NTM: variants seen among roughly 807,000 people sequenced by gnomAD.
NTM encodes neurotrimin.
A neutral mutation model predicts 42.1 loss-of-function variants in NTM; 13 were observed. That is an observed-to-expected ratio of 0.31 (90% confidence interval 0.20 to 0.49). The LOEUF is 0.49. NTM is among the 20% of genes least tolerant of loss of function. NTM has a pLI of 0.99. For missense variants in NTM, 373 were observed against 452.8 expected, an observed-to-expected ratio of 0.82 and a Z score of 1.60; for synonymous variants, 187 against 179.2, an observed-to-expected ratio of 1.04 and a Z score of -0.35.
At chr11:131,889,746 G>A (rs2050974717) in intron 1 of NTM, among the ~76,000 whole-genome samples, 1 of 152,130 alleles carries the variant, frequency 6.6e-6, no homozygotes, top group Non-Finnish European at 1.5e-5. Flanking sequence ...AGGCACATCT[G>A]AGGTTTTCAT....
At chr11:132,019,123 AC>A (rs753858700) in intron 2 of NTM, among the ~76,000 whole-genome samples, 85 of 151,548 alleles carry the variant, frequency 5.6e-4, no homozygotes, top group Non-Finnish European at 1.0e-3. Flanking sequence ...CAAGGAGCTT[AC>A]TTCTTGTTTT....
At chr11:131,935,551 G>A (rs56969154) in intron 2 of NTM, among the ~76,000 whole-genome samples, 12,368 of 151,952 alleles carry the variant, frequency 0.081, 601 homozygotes, top group South Asian at 0.21. Flanking sequence ...GCACGCATGT[G>A]TGCTGACCAC....
At chr11:132,124,996 C>T (rs1400432545) in intron 2 of NTM, among the ~76,000 whole-genome samples, 1 of 152,138 alleles carries the variant, frequency 6.6e-6, no homozygotes, top group Non-Finnish European at 1.5e-5. Flanking sequence ...ACATCCATCT[C>T]CAAATGAATA....
At chr11:131,744,842 A>T (rs2081607978) in intron 1 of NTM, among the ~76,000 whole-genome samples, 1 of 152,166 alleles carries the variant, frequency 6.6e-6, no homozygotes, top group South Asian at 2.1e-4. Context: ...CTCTGACATA[A>T]TCCCACCACA....
chr11:132,325,525 T>C (rs10791222), intron 7 of NTM, among the ~76,000 whole-genome samples: 65,580 of 151,546 alleles, frequency 0.43, 15,010 homozygotes, highest in Non-Finnish European at 0.52. Flanking sequence ...CAACAGGTGC[T>C]GGAGAGGATG....
At chr11:132,246,571 A>G (rs2091198604) in intron 4 of NTM, among the ~76,000 whole-genome samples, 1 of 152,122 alleles carries the variant, frequency 6.6e-6, no homozygotes, top group African/African-American at 2.4e-5. Flanking sequence ...CTGGTTTCCA[A>G]TTGTTTTGCT....
chr11:132,047,436 T>G (rs1168392704), intron 2 of NTM, among the ~76,000 whole-genome samples: 2 of 152,272 alleles, frequency 1.3e-5, no homozygotes, highest in Non-Finnish European at 2.9e-5. Flanking sequence ...GTATCTCTCT[T>G]GAATACATTG....
intron 1 of NTM, among the ~76,000 whole-genome samples, chr11:131,491,412 T>C (rs1954775627): frequency 6.7e-6 from 1 of 149,852 alleles, no homozygotes; most frequent in Non-Finnish European, 1.5e-5. Context: ...TGTTTGTGGG[T>C]ATATTTTAGC....
chr11:132,301,219 C>T (rs2094840070), intron 4 of NTM, among the ~76,000 whole-genome samples: 1 of 152,152 alleles, frequency 6.6e-6, no homozygotes, highest in Non-Finnish European at 1.5e-5. Context: ...AGTGAGTGCC[C>T]AGCGAAGTGG....
At chr11:131,741,023 G>A (rs1321920366) in intron 1 of NTM, among the ~76,000 whole-genome samples, 6 of 152,076 alleles carry the variant, frequency 3.9e-5, no homozygotes, top group Non-Finnish European at 8.8e-5. Context: ...AAATTAACCG[G>A]GCATGGTGGC....
chr11:131,391,644 GAAAAAAAAAA>G (rs5795723), intron 1 of NTM, among the ~76,000 whole-genome samples: 1 of 81,562 alleles, frequency 1.2e-5, no homozygotes, highest in Non-Finnish European at 2.2e-5. Flanking sequence ...TTTTATCTGG[GAAAAAAAAAA>G]AAAAAAAAAG....
At chr11:132,049,256 C>T (rs1202838467) in intron 2 of NTM, among the ~76,000 whole-genome samples, 1 of 152,120 alleles carries the variant, frequency 6.6e-6, no homozygotes, top group Admixed American at 6.5e-5. Flanking sequence ...CCAAGTGACC[C>T]CTGGAGGAAG....
intron 1 of NTM, among the ~76,000 whole-genome samples, chr11:131,564,293 C>A (rs1281743048): frequency 7.2e-6 from 1 of 139,416 alleles, no homozygotes; most frequent in Non-Finnish European, 1.5e-5. Context: ...TGTTTTTAAA[C>A]AAAGGAAAAT....
At chr11:131,490,983 G>A (rs1009792414) in intron 1 of NTM, among the ~76,000 whole-genome samples, 1 of 152,196 alleles carries the variant, frequency 6.6e-6, no homozygotes, top group Non-Finnish European at 1.5e-5. Flanking sequence ...GCAGACACAA[G>A]TGTCTCCCAG....
intron 3 of NTM, among the ~76,000 whole-genome samples, chr11:132,175,612 G>C (rs1329721876): frequency 6.6e-6 from 1 of 150,560 alleles, no homozygotes; most frequent in Non-Finnish European, 1.5e-5. Flanking sequence ...TTTTCAGACA[G>C]AGTCTCGCTC....
At chr11:132,289,789 C>T (rs920639845) in intron 4 of NTM, among the ~76,000 whole-genome samples, 1 of 152,172 alleles carries the variant, frequency 6.6e-6, no homozygotes, top group Non-Finnish European at 1.5e-5. Context: ...AAGACTGCAG[C>T]GTCAGCACTG....
At chr11:132,017,848 G>A (rs2073679646) in intron 2 of NTM, among the ~76,000 whole-genome samples, 2 of 152,006 alleles carry the variant, frequency 1.3e-5, no homozygotes, top group East Asian at 1.9e-4. Flanking sequence ...AGTTTTCAGT[G>A]TAGGCATTTA....
intron 1 of NTM, among the ~76,000 whole-genome samples, chr11:131,616,778 GGTGTGTGTGTGTGT>G (rs59890572): frequency 7.0e-6 from 1 of 141,882 alleles, no homozygotes; most frequent in Non-Finnish European, 1.5e-5. Flanking sequence ...GTCTTGAGGG[GGTGTGTGTGTGTGT>G]GTGTGTGTGT....
chr11:131,962,998 T>A (rs1239654122), intron 2 of NTM, among the ~76,000 whole-genome samples: 1 of 152,180 alleles, frequency 6.6e-6, no homozygotes, highest in Non-Finnish European at 1.5e-5. Context: ...CAAGGAGTCA[T>A]TTCATATCCC....
Sources: allele counts gnomAD v4.1 joint callset (sites outside exome capture counted in the v4.1 genomes callset), GRCh38; gene constraint gnomAD v4.1.1; transcripts MANE v1.5; gene names NCBI Gene and HGNC (gene_info 2026-07-23, HGNC 2026-07-21).